The following ADGRV1 variants were observed in gnomAD, a reference collection of about 807,000 sequenced individuals.
ADGRV1 encodes the protein adhesion G protein-coupled receptor V1, also known as G-protein coupled receptor 98.
ADGRV1 carries 359 observed loss-of-function variants against 596.2 expected under a neutral mutation model. That is an observed-to-expected ratio of 0.60 (90% CI 0.55 to 0.66). ADGRV1 has a LOEUF of 0.66. Among genes scored for constraint, ADGRV1 ranks in the 30% least tolerant of loss-of-function variants. ADGRV1 has a pLI of 0.00. For synonymous variants in ADGRV1, 2,681 were observed against 2,679.2 expected, an observed-to-expected ratio of 1.00 and a Z score of -0.02; for missense variants, 7,274 against 7,575.6, an observed-to-expected ratio of 0.96 and a Z score of 1.48.
intron 83 of ADGRV1, among the ~76,000 whole-genome samples, chr5:90,935,213 A>AT (rs1775573878): frequency 6.6e-6 from 1 of 152,246 alleles, no homozygotes; most frequent in Non-Finnish European, 1.5e-5. Flanking sequence ...ATTCCTGTCA[A>AT]TAAGGTTCAA....
At chr5:90,814,254 G>A (rs1334899922) in intron 74 of ADGRV1, among the ~76,000 whole-genome samples, 1 of 152,182 alleles carries the variant, frequency 6.6e-6, no homozygotes, top group Non-Finnish European at 1.5e-5. Flanking sequence ...CCCTAATAAA[G>A]GGGCTCCACA....
chr5:90,723,489 G>T (rs1751354332), intron 45 of ADGRV1, among the ~76,000 whole-genome samples: 1 of 152,190 alleles, frequency 6.6e-6, no homozygotes, highest in Admixed American at 6.5e-5. Flanking sequence ...ACTCATGAGA[G>T]CACATGTCGG....
Position 90,774,222 on chromosome 5 carries a change from C to G in ADGRV1, c.12322C>G (p.Gln4108Glu). Residue 4108 changes from glutamine to glutamate, a missense_variant, in exon 60 of 90, where the codon CAA becomes GAA. By Grantham distance (29) the Gln-to-Glu change is conservative (BLOSUM62 2). Coordinates refer to ENST00000405460, the MANE Select transcript of ADGRV1 (RefSeq NM_032119.4). ...SQKTIVLHTL[Q>E]DTVLEEDRRF... ...GAAGACCATTGTGTTGCACACACTT[C>G]AAGACACAGTGTTGGAGGAGGACAG... 6.2e-7 allele frequency: 1 copy of G among 1,610,792 alleles called. No homozygotes were observed. The highest frequency in any genetic ancestry group is 8.5e-7 in the Non-Finnish European group (1 of 1,177,268).
chr5:90,692,688 T>C lies in ADGRV1; in HGVS notation c.7035T>C (p.Asn2345=). ...TTGCAAATATTATTATTCCTGCCAA[T>C]GATGATCCTTATGGTACAGTAGCCT... The part of the protein sequence containing the change: ...DRIANIIIPA[N]DDPYGTVAFA... Residue 2345 remains asparagine (N), a synonymous_variant, in exon 32 of 90, where the codon AAT becomes AAC. Transcript: ENST00000405460. 6.2e-7 allele frequency: 1 copy of C among 1,611,052 alleles called. No individual in the cohort carries two copies. Among genetic ancestry groups the C allele is most frequent in the African/African-American group, 1.3e-5 (1 of 75,014 alleles).
intron 89 of ADGRV1, among the ~76,000 whole-genome samples, chr5:91,163,224 C>T (rs1472598124): frequency 6.6e-6 from 1 of 152,096 alleles, no homozygotes; most frequent in African/African-American, 2.4e-5. Context: ...TCTATTTTGG[C>T]ACTGTGTTAC....
chr5:90,727,962 A>AT (rs1752024327), intron 48 of ADGRV1, among the ~76,000 whole-genome samples: 1 of 152,198 alleles, frequency 6.6e-6, no homozygotes, highest in African/African-American at 2.4e-5. Context: ...TACTTGACTC[A>AT]TTTTATACTT....
intron 86 of ADGRV1, among the ~76,000 whole-genome samples, chr5:91,096,076 A>G (rs1386991199): frequency 3.3e-5 from 5 of 152,058 alleles, no homozygotes; most frequent in African/African-American, 9.7e-5. Flanking sequence ...TTAAATCCAC[A>G]TTTTTTCACA....
chr5:90,639,087 C>CACAG (rs1766632977), intron 11 of ADGRV1, among the ~76,000 whole-genome samples: 1 of 151,616 alleles, frequency 6.6e-6, no homozygotes, highest in Non-Finnish European at 1.5e-5. Flanking sequence ...CACACACACA[C>CACAG]ACACACACAC....
chr5:91,078,202 T>A (rs1027753855), intron 86 of ADGRV1, among the ~76,000 whole-genome samples: 2 of 152,022 alleles, frequency 1.3e-5, no homozygotes, highest in Non-Finnish European at 2.9e-5. Flanking sequence ...CAATATTTTA[T>A]TATTATTATA....
At chr5:90,687,961 A>C (rs1290883478) in intron 29 of ADGRV1, among the ~76,000 whole-genome samples, 2 of 152,184 alleles carry the variant, frequency 1.3e-5, no homozygotes, top group Non-Finnish European at 2.9e-5. Context: ...TATCGTGAAA[A>C]TGGCCATACT....
intron 70 of ADGRV1, among the ~76,000 whole-genome samples, chr5:90,798,193 A>C (rs1760962263): frequency 6.6e-6 from 1 of 152,208 alleles, no homozygotes; most frequent in Non-Finnish European, 1.5e-5. Flanking sequence ...CTAATGAAGA[A>C]GAAAAGAGAG....
chr5:90,684,623 G>C (rs906612005), intron 28 of ADGRV1, among the ~76,000 whole-genome samples: 1 of 152,096 alleles, frequency 6.6e-6, no homozygotes, highest in East Asian at 1.9e-4. Context: ...GCCTGGTGAG[G>C]GTCTGCTTCC....
chr5:90,725,419 G>T, intron 47 of ADGRV1, 130 bp from the exon 48 acceptor site: 1 of 694,404 alleles, frequency 1.4e-6, no homozygotes, highest in Non-Finnish European at 2.4e-6. Context: ...ATGACACTTA[G>T]TTATGTGTAG....
In ADGRV1 at chr5:91,102,270, G is replaced by C. The variant is rs772970918; in HGVS notation, c.18362G>C (p.Trp6121Ser). The C allele has an allele frequency of 1.9e-6, 3 of 1,610,806 alleles. No homozygotes were observed. Among genetic ancestry groups the C allele is most frequent in the Non-Finnish European group, 1.7e-6 (2 of 1,178,146 alleles). Residue 6121 changes from tryptophan to serine, a missense_variant, in exon 87 of 90, where the codon TGG (tryptophan) becomes TCG (serine). Transcript: ENST00000405460. The part of the protein sequence containing the change: ...LFALISVTWL[W>S]GGLHMAYRHF... ...GCTCTGATTTCCGTGACATGGCTTT[G>C]GGGAGGACTACACATGGCCTACAGA...
rs150795770 is a variant in ADGRV1, at chr5:90,628,427, ACAAAT to A, written c.1239-132_1239-128del. ...ACCCAGTCTCAAACAAACAAAAATA[ACAAAT>A]CAGTTATTTTTTTGTTGTATAGATT... is the stretch of plus-strand genomic sequence containing the variant. On this transcript the variant is annotated intron_variant, in intron 7 of 89. Coordinates refer to ENST00000405460, the MANE Select transcript of ADGRV1 (RefSeq NM_032119.4). 609 of 750,022 alleles carry A rather than the reference ACAAAT, an allele frequency of 8.1e-4. No homozygotes were observed. The African/African-American group carries it at 9.9e-3, about 12-fold the overall frequency. The allele number at this position is 750,022 out of a possible 1,614,324, so 46.5% of individuals were successfully genotyped here.
At chr5:90,993,141 T>C (rs1781106275) in intron 85 of ADGRV1, among the ~76,000 whole-genome samples, 1 of 150,258 alleles carries the variant, frequency 6.7e-6, no homozygotes, top group South Asian at 2.1e-4. Flanking sequence ...TCTCTGTCTT[T>C]CCTTGGTTTT....
intron 80 of ADGRV1, among the ~76,000 whole-genome samples, 157 bp downstream of exon 80, chr5:90,853,690 G>A (rs1766753496): frequency 6.6e-6 from 1 of 152,180 alleles, no homozygotes; most frequent in South Asian, 2.1e-4. Flanking sequence ...TTTGTAGAAA[G>A]TTTAGTTTCT....
chr5:90,809,449 A>G (rs1291204372), intron 73 of ADGRV1, among the ~76,000 whole-genome samples: 2 of 152,130 alleles, frequency 1.3e-5, no homozygotes, highest in African/African-American at 4.8e-5. Context: ...CACAGTTAAT[A>G]TATGTTGGGG....
At chr5:91,072,687 A>G in intron 86 of ADGRV1, 83 bp downstream of exon 86, 1 of 1,436,326 alleles carries the variant, frequency 7.0e-7, no homozygotes, top group South Asian at 1.3e-5. Flanking sequence ...TTTATCAAAA[A>G]GAGGGAAGTT....
Sources: gnomAD v4.1 joint callset for allele counts (sites outside exome capture counted in the v4.1 genomes callset) on GRCh38, gnomAD v4.1.1 for gene constraint, MANE v1.5 for transcripts, NCBI Gene and HGNC (gene_info 2026-07-23, HGNC 2026-07-21) for gene names.